The following PABPC1L variants were observed in gnomAD, a reference collection of about 807,000 sequenced individuals.
PABPC1L encodes the protein polyadenylate-binding protein 1-like.
In PABPC1L, 31 loss-of-function variants were observed where a neutral mutation model predicts 66.6. That is an observed-to-expected ratio of 0.47 (90% confidence interval 0.35 to 0.63). The LOEUF is 0.63. PABPC1L is among the 20% of genes least tolerant of loss of function. The pLI is 0.00. For synonymous variants in PABPC1L, 348 were observed against 335.1 expected (o/e 1.04, Z -0.42); for missense variants, 722 against 848.8 (o/e 0.85, Z 1.86).
chr20:44,928,124 A>G (rs2065103136), intron 7 of PABPC1L, among the ~76,000 whole-genome samples: 1 of 152,142 alleles, frequency 6.6e-6, no homozygotes, highest in Non-Finnish European at 1.5e-5. Flanking sequence ...ACTGGAGCGC[A>G]GTGGCATGAT....
chr20:44,924,451 G>A (rs2066795056), intron 7 of PABPC1L, among the ~76,000 whole-genome samples, 195 bp downstream of exon 7: 1 of 152,154 alleles, frequency 6.6e-6, no homozygotes. Context: ...AGGGGAAGAG[G>A]GTAGAAATAT....
At chr20:44,914,139 T>C (rs1412102284) in intron 2 of PABPC1L, among the ~76,000 whole-genome samples, 1 of 151,850 alleles carries the variant, frequency 6.6e-6, no homozygotes, top group East Asian at 1.9e-4. Context: ...AGTTACCCCG[T>C]AGCCTTTGGA....
chr20:44,928,523 A>G (rs889646062), intron 7 of PABPC1L, among the ~76,000 whole-genome samples: 1 of 152,084 alleles, frequency 6.6e-6, no homozygotes, highest in Non-Finnish European at 1.5e-5. Flanking sequence ...TTTTTCCCCA[A>G]TCCATGCAAT....
rs1331604408 is a variant in PABPC1L at position 44,930,682 on chromosome 20, T to C, written c.1195T>C (p.Ser399Pro). Residue 399 changes from serine to proline, a missense_variant, in exon 8 of 15, where the codon TCC becomes CCC. Ser to Pro is a moderately conservative substitution (Grantham distance 74, BLOSUM62 -1). Transcript: ENST00000217073. ...MRTLSNPLLG[S>P]FQQPSSYFLP... ...GACCCTGAGCAACCCCCTCCTGGGC[T>C]CCTTTCAGCAGCCCTCCAGCTACTT... 6.2e-7 allele frequency: 1 copy of C among 1,613,940 alleles called. No individual in the cohort carries two copies. Among genetic ancestry groups the C allele is most frequent in the Admixed American group, 1.7e-5 (1 of 60,000 alleles).
At chr20:44,917,302 C>T (rs1415975002) in intron 3 of PABPC1L, among the ~76,000 whole-genome samples, 1 of 151,986 alleles carries the variant, frequency 6.6e-6, no homozygotes, top group African/African-American at 2.4e-5. Context: ...CCTGTCTCAG[C>T]CTCCTTTGTA....
intron 7 of PABPC1L, among the ~76,000 whole-genome samples, chr20:44,927,796 T>A (rs1199355536): frequency 6.6e-6 from 1 of 152,086 alleles, no homozygotes; most frequent in African/African-American, 2.4e-5. Context: ...CCTCAAGTGA[T>A]CTCCTGTCTC....
At chr20:44,921,106 G>C (rs1328652007) in intron 5 of PABPC1L, among the ~76,000 whole-genome samples, 1 of 151,326 alleles carries the variant, frequency 6.6e-6, no homozygotes, top group African/African-American at 2.4e-5. Context: ...GAGCCACTGT[G>C]CCTGGCCATC....
In PABPC1L at chr20:44,918,989, A is replaced by G. The variant is rs1272573696; in HGVS notation, c.587A>G (p.Lys196Arg). ...RALEFTNIYV[K>R]NLPVDVDEQG... ...CTGGAGTTCACCAACATCTACGTGA[A>G]GAACCTCCCGGTGGATGTGGACGAG... Residue 196 changes from lysine to arginine, a missense_variant, in exon 4 of 15, where the codon AAG (lysine) becomes AGG (arginine). Lys to Arg is a conservative substitution (Grantham distance 26, BLOSUM62 2). This residue lies in a region of PABPC1L where 284 missense variants were observed against 294.8 expected (regional missense o/e 0.96). Coordinates refer to ENST00000217073, the MANE Select transcript of PABPC1L (RefSeq NM_001372179.1). The G allele has an allele frequency of 1.2e-6, 2 of 1,613,700 alleles. No homozygotes were observed. The highest frequency in any genetic ancestry group is 1.7e-6 in the Non-Finnish European group (2 of 1,179,784).
chr20:44,919,629 A>G (rs1601110861), intron 5 of PABPC1L, among the ~76,000 whole-genome samples: 1 of 151,970 alleles, frequency 6.6e-6, no homozygotes, highest in Non-Finnish European at 1.5e-5. Context: ...AGGCAGGAGG[A>G]CCCCTTGAGC....
At chr20:44,922,878 G>C (rs532040274) in intron 6 of PABPC1L, among the ~76,000 whole-genome samples, 175 of 152,326 alleles carry the variant, frequency 1.1e-3, no homozygotes, top group South Asian at 3.1e-3. Context: ...GGCCAGGGAT[G>C]CTGGCAGGCA....
At chr20:44,938,838 G>A (rs1456677450) in intron 14 of PABPC1L, 90 bp downstream of exon 14, 51 of 1,290,866 alleles carry the variant, frequency 4.0e-5, no homozygotes, top group East Asian at 5.0e-5. Flanking sequence ...TGAGAATTGC[G>A]CCGTGTTCCT....
chr20:44,920,970 G>A (rs2145562931), intron 5 of PABPC1L, among the ~76,000 whole-genome samples: 1 of 148,864 alleles, frequency 6.7e-6, no homozygotes, highest in East Asian at 2.0e-4. Flanking sequence ...CTGCCACCAT[G>A]CCTGGCTAAT....
intron 6 of PABPC1L, among the ~76,000 whole-genome samples, chr20:44,922,966 C>A (rs1025532823): frequency 6.6e-6 from 1 of 152,256 alleles, no homozygotes; most frequent in Non-Finnish European, 1.5e-5. Context: ...CTGAGAAACA[C>A]ATACATCCTC....
intron 14 of PABPC1L, 139 bp from the exon 15 acceptor site, chr20:44,938,987 T>C: frequency 1.5e-6 from 1 of 672,858 alleles, no homozygotes; most frequent in Non-Finnish European, 2.7e-6. Context: ...TCATGCAGAA[T>C]AGTTTGGGCT....
intron 9 of PABPC1L, 73 bp from the exon 10 acceptor site, chr20:44,932,984 G>C: frequency 1.0e-6 from 1 of 1,004,450 alleles, no homozygotes; most frequent in Non-Finnish European, 1.5e-6. Flanking sequence ...AAGCTTCTAG[G>C]CACAGTGTGC....
intron 12 of PABPC1L, chr20:44,937,024 G>A (rs2066906496): frequency 1.1e-5 from 6 of 541,470 alleles, no homozygotes; most frequent in Non-Finnish European, 2.2e-5. Flanking sequence ...AAAGGGAGGA[G>A]TAGGGGTATG....
chr20:44,932,223 T>G, intron 8 of PABPC1L, 119 bp from the exon 9 acceptor site: 1 of 663,088 alleles, frequency 1.5e-6, no homozygotes, highest in Non-Finnish European at 2.5e-6. Flanking sequence ...TTGTGGGTCT[T>G]GACTCACCAG....
chr20:44,923,911 C>T (rs929719768), intron 6 of PABPC1L, among the ~76,000 whole-genome samples: 2 of 152,148 alleles, frequency 1.3e-5, no homozygotes, highest in African/African-American at 4.8e-5. Context: ...TGGGGAATAG[C>T]TGTGGTGAGG....
At chr20:44,917,695 G>C (rs1397452882) in intron 3 of PABPC1L, among the ~76,000 whole-genome samples, 1 of 152,120 alleles carries the variant, frequency 6.6e-6, no homozygotes, top group Non-Finnish European at 1.5e-5. Flanking sequence ...TTGTTCATCT[G>C]AGAGGCCAGC....
Sources: gnomAD v4.1 joint callset for allele counts (sites outside exome capture counted in the v4.1 genomes callset) on GRCh38, gnomAD v4.1.1 for gene constraint, gnomAD v4.1.1 regional missense constraint, MANE v1.5 for transcripts, NCBI Gene and HGNC (gene_info 2026-07-23, HGNC 2026-07-21) for gene names.